The following LARGE1 variants were observed in gnomAD, a reference collection of about 807,000 sequenced individuals.
The protein encoded by LARGE1 is xylosyl- and glucuronyltransferase LARGE1.
LARGE1 carries 43 observed loss-of-function variants against 87.6 expected under a neutral mutation model. That is an observed-to-expected ratio of 0.49 (90% CI 0.38 to 0.63). The LOEUF (loss-of-function observed/expected upper bound fraction) is 0.63. Among genes scored for constraint, LARGE1 ranks in the 30% least tolerant of loss-of-function variants. The pLI is 0.00. For missense variants in LARGE1, 802 were observed against 1,000.2 expected (o/e 0.80, Z 2.67); for synonymous variants, 434 against 394.6 (o/e 1.10, Z -1.18).
the LARGE1 span, among the ~76,000 whole-genome samples, chr22:33,155,446 C>T: frequency 6.6e-6 from 1 of 152,162 alleles, no homozygotes; most frequent in Non-Finnish European, 1.5e-5. Context: ...ACTCTTGTTA[C>T]ATTTTAGCAC....
the LARGE1 span, among the ~76,000 whole-genome samples, chr22:33,127,817 A>C: frequency 6.6e-6 from 1 of 152,226 alleles, no homozygotes; most frequent in African/African-American, 2.4e-5. Context: ...AAAGAAAATG[A>C]TGAAATGAAT....
chr22:33,803,286 T>G (rs552279871), intron 1 of LARGE1, among the ~76,000 whole-genome samples: 1 of 152,262 alleles, frequency 6.6e-6, no homozygotes, highest in East Asian at 1.9e-4. Context: ...AGAGACTTCA[T>G]CTCTGTAGCT....
chr22:33,399,828 G>A (rs1372336045), intron 7 of LARGE1, among the ~76,000 whole-genome samples: 4 of 152,308 alleles, frequency 2.6e-5, no homozygotes, highest in African/African-American at 7.2e-5. Flanking sequence ...GATTAGAGGC[G>A]TGAGCCACCA....
At chr22:33,308,073 T>A (rs1043657108) in intron 11 of LARGE1, among the ~76,000 whole-genome samples, 1 of 152,084 alleles carries the variant, frequency 6.6e-6, no homozygotes, top group African/African-American at 2.4e-5. Flanking sequence ...GGCTCAGAAA[T>A]GTCTGGCAGA....
intron 3 of LARGE1, among the ~76,000 whole-genome samples, chr22:33,636,122 C>G (rs1174921959): frequency 1.3e-5 from 2 of 152,170 alleles, no homozygotes; most frequent in Non-Finnish European, 2.9e-5. Flanking sequence ...CTATAAAGAG[C>G]ATAGCCACCT....
intron 5 of LARGE1, among the ~76,000 whole-genome samples, chr22:33,583,956 A>T (rs778151414): frequency 4.6e-5 from 7 of 152,184 alleles, no homozygotes; most frequent in Admixed American, 6.5e-5. Flanking sequence ...TCAGAAATAA[A>T]AATTGGCCCA....
exon 12 of LARGE1, chr22:33,164,144 A>G (rs1922140427): frequency 6.6e-6 from 1 of 152,146 alleles, no homozygotes; most frequent in Admixed American, 6.5e-5. Context: ...GCTGCCCCCT[A>G]ACAGTGCTGG....
intron 11 of LARGE1, among the ~76,000 whole-genome samples, chr22:33,167,204 G>A (rs1044149822): frequency 7.9e-5 from 12 of 152,218 alleles, no homozygotes; most frequent in African/African-American, 2.6e-4. Flanking sequence ...TTGAAACTGA[G>A]GGGACCAGGA....
At chr22:33,547,106 T>C (rs1203032023) in intron 6 of LARGE1, among the ~76,000 whole-genome samples, 1 of 152,194 alleles carries the variant, frequency 6.6e-6, no homozygotes, top group Non-Finnish European at 1.5e-5. Flanking sequence ...CCAGGTCTTT[T>C]GTGAAGATGA....
At chr22:33,859,530 G>C (rs1421759699) in intron 1 of LARGE1, among the ~76,000 whole-genome samples, 1 of 152,200 alleles carries the variant, frequency 6.6e-6, no homozygotes, top group Non-Finnish European at 1.5e-5. Context: ...GCAGTTTCAG[G>C]CTTAACAAAG....
intron 6 of LARGE1, among the ~76,000 whole-genome samples, chr22:33,527,292 T>C (rs565464404): frequency 2.8e-4 from 43 of 152,232 alleles, no homozygotes; most frequent in Non-Finnish European, 5.0e-4. Context: ...AAAACCCCTA[T>C]AGGTCGGATG....
intron 6 of LARGE1, among the ~76,000 whole-genome samples, chr22:33,452,028 T>C (rs554552428): frequency 6.6e-6 from 1 of 152,224 alleles, no homozygotes; most frequent in African/African-American, 2.4e-5. Flanking sequence ...CCAACCCGAA[T>C]CTGCTCATCT....
intron 1 of LARGE1, among the ~76,000 whole-genome samples, chr22:33,893,808 CCCA>C (rs1472903318): frequency 6.6e-6 from 1 of 152,152 alleles, no homozygotes; most frequent in African/African-American, 2.4e-5. Context: ...CACCACAAAC[CCCA>C]CGTTTAACCA....
chr22:33,236,951 C>G (rs1462182015), intron 11 of LARGE1, among the ~76,000 whole-genome samples: 1 of 152,212 alleles, frequency 6.6e-6, no homozygotes, highest in Non-Finnish European at 1.5e-5. Context: ...TCGCTGGCAT[C>G]TCATTGTCAA....
chr22:33,233,168 C>T (rs1219503402), intron 11 of LARGE1, among the ~76,000 whole-genome samples: 4 of 152,038 alleles, frequency 2.6e-5, no homozygotes, highest in Admixed American at 6.6e-5. Context: ...GGAGAAATTT[C>T]GAGTAGACTC....
At chr22:33,916,280 C>CA (rs141062786) in intron 1 of LARGE1, among the ~76,000 whole-genome samples, 2,737 of 144,932 alleles carry the variant, frequency 0.019, 65 homozygotes, top group African/African-American at 0.062. Flanking sequence ...GACTCCATCT[C>CA]AAAAAAAAAA....
intron 6 of LARGE1, among the ~76,000 whole-genome samples, chr22:33,557,386 C>T (rs2077721917): frequency 6.6e-6 from 1 of 152,086 alleles, no homozygotes; most frequent in Non-Finnish European, 1.5e-5. Context: ...GAGTAGAAGG[C>T]AGGCTGGTTA....
chr22:33,333,442 TGAG>T (rs1250752752), intron 10 of LARGE1, among the ~76,000 whole-genome samples: 2 of 152,178 alleles, frequency 1.3e-5, no homozygotes, highest in African/African-American at 4.8e-5. Context: ...CTCACTGCCC[TGAG>T]GAGAAACTCC....
At chr22:33,268,489 G>A (rs992388443), downstream of LARGE1, among the ~76,000 whole-genome samples, 2 of 147,454 alleles carry the variant, frequency 1.4e-5, no homozygotes, top group Admixed American at 6.8e-5. Context: ...AGTGCATGGC[G>A]CGATCTTGGC....
Sources: gnomAD v4.1 joint callset for allele counts (sites outside exome capture counted in the v4.1 genomes callset) on GRCh38, gnomAD v4.1.1 for gene constraint, MANE v1.5 for transcripts, NCBI Gene and HGNC (gene_info 2026-07-23, HGNC 2026-07-21) for gene names.